IGSF10: variants seen among roughly 807,000 people sequenced by gnomAD.
IGSF10 encodes the protein calvaria mechanical force protein 608.
IGSF10 carries 126 observed loss-of-function variants against 128.2 expected under a neutral mutation model. The observed-to-expected ratio is 0.98, with a 90% confidence interval of 0.85 to 1.14. IGSF10 has a LOEUF of 1.14. Among genes scored for constraint, IGSF10 ranks in the 50% most tolerant of loss-of-function variants. The pLI is 0.00. For missense variants in IGSF10, 3,295 were observed against 3,149.8 expected, an observed-to-expected ratio of 1.05 and a Z score of -1.10; for synonymous variants, 1,185 against 1,146.2, an observed-to-expected ratio of 1.03 and a Z score of -0.68.
the IGSF10 span, among the ~76,000 whole-genome samples, chr3:151,553,132 C>A: frequency 6.6e-6 from 1 of 152,082 alleles, no homozygotes; most frequent in African/African-American, 2.4e-5. Flanking sequence ...ATGTATACAT[C>A]TATGATTATA....
downstream of IGSF10, chr3:151,435,984 G>GTT (rs1285711950): frequency 6.6e-6 from 1 of 152,152 alleles, no homozygotes; most frequent in Admixed American, 6.5e-5. Context: ...TTATAAAGAA[G>GTT]TTTCATTGTA....
chr3:151,526,220 GTTA>G, the IGSF10 span, among the ~76,000 whole-genome samples: 21 of 152,276 alleles, frequency 1.4e-4, no homozygotes, highest in East Asian at 3.1e-3. Flanking sequence ...CTCCAGTCTT[GTTA>G]TTTTTCTTGT....
the IGSF10 span, among the ~76,000 whole-genome samples, chr3:151,514,496 C>T: frequency 2.0e-5 from 3 of 152,130 alleles, no homozygotes; most frequent in Admixed American, 1.3e-4. Flanking sequence ...AAATGTTAGA[C>T]CTAAAACCAT....
chr3:151,505,907 T>C, the IGSF10 span, among the ~76,000 whole-genome samples: 37 of 152,138 alleles, frequency 2.4e-4, no homozygotes, highest in Non-Finnish European at 4.9e-4. Context: ...AAGGTGTTTA[T>C]ATAAAACCTT....
the IGSF10 span, among the ~76,000 whole-genome samples, chr3:151,541,654 T>A: frequency 6.6e-6 from 1 of 152,218 alleles, no homozygotes; most frequent in South Asian, 2.1e-4. Flanking sequence ...CTTTGTAGTA[T>A]CTCTATTTTT....
the IGSF10 span, among the ~76,000 whole-genome samples, chr3:151,611,377 C>T: frequency 6.6e-6 from 1 of 152,046 alleles, no homozygotes; most frequent in South Asian, 2.1e-4. Flanking sequence ...ATGTGAAGGC[C>T]AGCTACTTTT....
At chr3:151,440,023 A>G (rs1011607971) in intron 7 of IGSF10, among the ~76,000 whole-genome samples, 1 of 151,284 alleles carries the variant, frequency 6.6e-6, no homozygotes, top group Non-Finnish European at 1.5e-5. Context: ...TCTCTCTCCT[A>G]TTTTCTATTT....
intron 6 of IGSF10, among the ~76,000 whole-genome samples, chr3:151,444,362 C>T (rs1459504119): frequency 1.3e-5 from 2 of 152,156 alleles, no homozygotes; most frequent in East Asian, 1.9e-4. Flanking sequence ...GGCTGGAGTG[C>T]AATGGCACAA....
the IGSF10 span, among the ~76,000 whole-genome samples, chr3:151,470,024 G>C: frequency 6.6e-6 from 1 of 152,216 alleles, no homozygotes; most frequent in Non-Finnish European, 1.5e-5. Flanking sequence ...TTTATAAAGA[G>C]AGTCAATACT....
the IGSF10 span, among the ~76,000 whole-genome samples, chr3:151,514,773 A>T: frequency 1.3e-5 from 2 of 152,192 alleles, no homozygotes; most frequent in African/African-American, 4.8e-5. Flanking sequence ...ATTTACAAGA[A>T]AAAAACAAAC....
the IGSF10 span, among the ~76,000 whole-genome samples, chr3:151,571,055 T>C: frequency 8.5e-5 from 13 of 152,202 alleles, no homozygotes; most frequent in African/African-American, 2.9e-4. Flanking sequence ...AGATGTGTGG[T>C]GTTATTTCTG....
At chr3:151,468,477 T>G in the IGSF10 span, among the ~76,000 whole-genome samples, 1 of 152,242 alleles carries the variant, frequency 6.6e-6, no homozygotes, top group Non-Finnish European at 1.5e-5. Flanking sequence ...CCCTTTAGGC[T>G]GAACTGTTTC....
chr3:151,586,650 C>T, the IGSF10 span, among the ~76,000 whole-genome samples: 1 of 152,280 alleles, frequency 6.6e-6, no homozygotes, highest in African/African-American at 2.4e-5. Context: ...GTCATTTCTG[C>T]ATATGACTTT....
the IGSF10 span, among the ~76,000 whole-genome samples, chr3:151,490,555 A>G: frequency 6.6e-6 from 1 of 151,542 alleles, no homozygotes; most frequent in Non-Finnish European, 1.5e-5. Context: ...AGAACTTTCC[A>G]CCCAACAGCA....
chr3:151,442,905 T>G, intron 7 of IGSF10, 79 bp downstream of exon 7: 1 of 1,311,694 alleles, frequency 7.6e-7, no homozygotes, highest in Non-Finnish European at 1.0e-6. Flanking sequence ...CTAGCCTCAC[T>G]GTGTCACTTT....
the IGSF10 span, among the ~76,000 whole-genome samples, chr3:151,466,959 GA>G: frequency 0.027 from 4,154 of 152,116 alleles, 179 homozygotes; most frequent in African/African-American, 0.095. Flanking sequence ...TTATAATTTG[GA>G]AAAAATTGTG....
At chr3:151,534,169 G>A in the IGSF10 span, among the ~76,000 whole-genome samples, 42,989 of 152,054 alleles carry the variant, frequency 0.28, 6,921 homozygotes, top group Middle Eastern at 0.41. Context: ...AGATGCTGGA[G>A]AAGTGGAGAA....
rs1362294317 is a variant in IGSF10, at chr3:151,461,049, G to T, written c.-192C>A. The stretch of plus-strand genomic sequence containing the variant: ...CGTGCGGAGCTGGTCCGGAGCTCTG[G>T]GAGGGAAGGAAGGAAGGCGGAGCGA... On this transcript the variant is annotated 5_prime_UTR_variant, in exon 1 of 8. Coordinates refer to ENST00000282466, the MANE Select transcript of IGSF10 (RefSeq NM_178822.5). 1.0e-6 allele frequency: 1 copy of T among 985,298 alleles called. No individual in the cohort carries two copies. Among genetic ancestry groups the T allele is most frequent in the Non-Finnish European group, 1.2e-6 (1 of 829,930 alleles). The allele number at this position is 985,298 out of a possible 1,614,324, so 61.0% of individuals were successfully genotyped here. A position where few individuals can be genotyped will look rare whatever the true frequency, so the allele number is the denominator to read the frequency against.
chr3:151,481,928 C>G, the IGSF10 span, among the ~76,000 whole-genome samples: 1 of 152,182 alleles, frequency 6.6e-6, no homozygotes, highest in Non-Finnish European at 1.5e-5. Flanking sequence ...CCTCAGTCAT[C>G]GCTAACATTG....
Sources: gnomAD v4.1 joint callset for allele counts (sites outside exome capture counted in the v4.1 genomes callset) on GRCh38, gnomAD v4.1.1 for gene constraint, MANE v1.5 for transcripts, NCBI Gene and HGNC (gene_info 2026-07-23, HGNC 2026-07-21) for gene names.